FGF14: variants seen among roughly 807,000 people sequenced by gnomAD.
FGF14 encodes the protein fibroblast growth factor 14, also known as fibroblast growth factor homologous factor 4.
A neutral mutation model predicts 25.5 loss-of-function variants in FGF14; 5 were observed. The ratio of observed to expected loss-of-function variants is 0.20; its 90% CI spans 0.10 to 0.41. The LOEUF (loss-of-function observed/expected upper bound fraction) is 0.41, where lower values mean the gene tolerates loss of function less well. Ranked by LOEUF, FGF14 falls within the 10% of genes least tolerant of loss-of-function variation. The probability of loss-of-function intolerance (pLI) is 1.00; values close to 1 mark genes in which losing one functional copy is unlikely to be tolerated. For synonymous variants in FGF14, 138 were observed against 118.3 expected, an observed-to-expected ratio of 1.17 and a Z score of -1.08; for missense variants, 222 against 320.1, an observed-to-expected ratio of 0.69 and a Z score of 2.34.
intron 1 of FGF14, among the ~76,000 whole-genome samples, chr13:102,261,564 G>C (rs2052718809): frequency 6.6e-6 from 1 of 152,108 alleles, no homozygotes; most frequent in African/African-American, 2.4e-5. Flanking sequence ...TCCCAAACCG[G>C]GGAAGGAAAG....
At position 101,718,207 on chromosome 13, in the gene FGF14, G is replaced by C. The variant is rs931407605; in HGVS notation, c.*4624C>G. ...AACAGAAATATTTTTACTTATTTCT[G>C]TCCACTATGTTTGTGTGTATGTGTG... On this transcript the variant is annotated 3_prime_UTR_variant, in exon 5 of 5. Coordinates refer to ENST00000376143, the MANE Select transcript of FGF14 (RefSeq NM_004115.4). The C allele has an allele frequency of 1.3e-5, 2 of 152,026 alleles. No homozygotes were observed. The highest frequency in any genetic ancestry group is 4.8e-5 in the African/African-American group (2 of 41,410). 9.4% of individuals were successfully genotyped at this position (152,026 alleles called of 1,614,324 possible).
At chr13:102,375,870 G>T (rs2139139250) in intron 1 of FGF14, among the ~76,000 whole-genome samples, 1 of 152,204 alleles carries the variant, frequency 6.6e-6, no homozygotes, top group South Asian at 2.1e-4. Context: ...AAAAGAATAG[G>T]ATGTACTAAT....
intron 1 of FGF14, among the ~76,000 whole-genome samples, chr13:102,271,309 C>T (rs1320904840): frequency 6.6e-6 from 1 of 152,142 alleles, no homozygotes; most frequent in Non-Finnish European, 1.5e-5. Context: ...CAAAATAAAA[C>T]TCCATCATAC....
intron 1 of FGF14, among the ~76,000 whole-genome samples, chr13:101,884,326 C>T (rs769259661): frequency 6.6e-6 from 1 of 151,768 alleles, no homozygotes; most frequent in African/African-American, 2.4e-5. Context: ...TGGGGAAAAC[C>T]GTGTAAGAAA....
chr13:102,153,657 C>T (rs2047188657), intron 1 of FGF14, among the ~76,000 whole-genome samples: 1 of 152,070 alleles, frequency 6.6e-6, no homozygotes, highest in Non-Finnish European at 1.5e-5. Flanking sequence ...ATGTACAGTT[C>T]AGTAGTAGCA....
intron 1 of FGF14, among the ~76,000 whole-genome samples, chr13:102,216,210 A>G (rs915576985): frequency 6.6e-6 from 1 of 152,210 alleles, no homozygotes; most frequent in Non-Finnish European, 1.5e-5. Context: ...GCCTCATTCT[A>G]TACCTCTGAG....
chr13:101,956,768 C>CAAAAAAAA (rs372879439), intron 1 of FGF14, among the ~76,000 whole-genome samples: 9 of 122,568 alleles, frequency 7.3e-5, no homozygotes, highest in East Asian at 4.4e-4. Flanking sequence ...TTCACTTTAC[C>CAAAAAAAA]AAAAAAAAAA....
chr13:102,186,257 G>A (rs1255495937), intron 1 of FGF14, among the ~76,000 whole-genome samples: 1 of 151,994 alleles, frequency 6.6e-6, no homozygotes, highest in Non-Finnish European at 1.5e-5. Flanking sequence ...GGCTTATTGG[G>A]GTCAACAGAT....
chr13:101,811,874 G>T (rs1457360942), intron 3 of FGF14, among the ~76,000 whole-genome samples: 2 of 152,254 alleles, frequency 1.3e-5, no homozygotes, highest in Non-Finnish European at 2.9e-5. Context: ...GAAAGGACTA[G>T]CCTAAATATT....
At chr13:102,089,186 A>G (rs2044061211) in intron 1 of FGF14, among the ~76,000 whole-genome samples, 1 of 152,202 alleles carries the variant, frequency 6.6e-6, no homozygotes. Flanking sequence ...AGTCTAGCGT[A>G]TATTTTATGA....
chr13:101,778,612 CA>C (rs1350386439), intron 3 of FGF14, among the ~76,000 whole-genome samples: 1 of 152,076 alleles, frequency 6.6e-6, no homozygotes, highest in African/African-American at 2.4e-5. Context: ...TTCCCATGGT[CA>C]AATGTTTGTC....
intron 3 of FGF14, among the ~76,000 whole-genome samples, chr13:101,739,089 G>GTATA (rs113467291): frequency 0.016 from 1,798 of 114,762 alleles, 10 homozygotes; most frequent in African/African-American, 0.027. Flanking sequence ...TACTTTAACA[G>GTATA]TATATATATA....
At chr13:102,020,084 T>A (rs2040555923) in intron 1 of FGF14, among the ~76,000 whole-genome samples, 1 of 152,088 alleles carries the variant, frequency 6.6e-6, no homozygotes, top group Non-Finnish European at 1.5e-5. Flanking sequence ...AATCATGATG[T>A]TGATGATAAT....
chr13:101,966,768 A>G (rs974842337), intron 1 of FGF14, among the ~76,000 whole-genome samples: 5 of 152,152 alleles, frequency 3.3e-5, no homozygotes, highest in Non-Finnish European at 5.9e-5. Flanking sequence ...GGCGTCAGCC[A>G]CCGCGCCTGG....
intron 1 of FGF14, among the ~76,000 whole-genome samples, chr13:102,109,099 G>GAA (rs2045083694): frequency 6.6e-6 from 1 of 151,736 alleles, no homozygotes; most frequent in African/African-American, 2.4e-5. Flanking sequence ...TTTCTAGAGA[G>GAA]GTCTTTCATC....
At chr13:102,152,328 C>A (rs562937378) in intron 1 of FGF14, among the ~76,000 whole-genome samples, 10 of 152,288 alleles carry the variant, frequency 6.6e-5, no homozygotes, top group African/African-American at 2.4e-4. Context: ...GCTTAAAGAG[C>A]AGAAATTACT....
At chr13:101,898,049 C>A (rs1168034812) in intron 1 of FGF14, among the ~76,000 whole-genome samples, 2 of 151,900 alleles carry the variant, frequency 1.3e-5, no homozygotes, top group African/African-American at 4.8e-5. Flanking sequence ...TGTGTGCCAC[C>A]ACGTCCAGAT....
intron 1 of FGF14, among the ~76,000 whole-genome samples, chr13:102,337,203 T>A (rs1442261226): frequency 6.6e-6 from 1 of 152,198 alleles, no homozygotes; most frequent in African/African-American, 2.4e-5. Context: ...GTTCCAGATG[T>A]CATTAAGAAT....
In FGF14 at chr13:101,868,177, G is replaced by A. The variant is rs185212241; in HGVS notation, c.408+548C>T. On this transcript the variant is annotated intron_variant, in intron 3 of 4. Coordinates refer to ENST00000376143, the MANE Select transcript of FGF14 (RefSeq NM_004115.4). ...ATATGCATGAATACAGCATATCTGAGTGCAAATCGGTTGTAAATAGAAAAT... is the reference window on the plus strand; with the variant it reads ...ATATGCATGAATACAGCATATCTGAATGCAAATCGGTTGTAAATAGAAAAT... 5.3e-5 allele frequency among the ~76,000 whole-genome samples: 8 copies of A among 152,220 alleles called. No homozygotes were observed. The East Asian group carries it at 1.5e-3, about 29-fold the overall frequency.
Sources: allele counts gnomAD v4.1 joint callset (sites outside exome capture counted in the v4.1 genomes callset), GRCh38; gene constraint gnomAD v4.1.1; transcripts MANE v1.5; gene names NCBI Gene and HGNC (gene_info 2026-07-23, HGNC 2026-07-21).